The following RAB11FIP5 variants were observed in gnomAD, a reference collection of about 807,000 sequenced individuals.
The protein encoded by RAB11FIP5 is rab11 family-interacting protein 5.
In RAB11FIP5, 48 loss-of-function variants were observed where a neutral mutation model predicts 85.1. The observed-to-expected ratio is 0.56, with a 90% CI of 0.45 to 0.72. The LOEUF is 0.72. Among genes scored for constraint, RAB11FIP5 ranks in the 30% least tolerant of loss-of-function variants. The probability of loss-of-function intolerance (pLI) is 0.00; values close to 1 mark genes in which losing one functional copy is unlikely to be tolerated. For missense variants in RAB11FIP5, 1,491 were observed against 1,687.0 expected (o/e 0.88, Z 2.04); for synonymous variants, 729 against 727.3 (o/e 1.00, Z -0.04).
chr2:73,083,326 G>A (rs990218192), intron 3 of RAB11FIP5, among the ~76,000 whole-genome samples: 37 of 152,200 alleles, frequency 2.4e-4, no homozygotes, highest in African/African-American at 8.7e-4. Context: ...CCACAGGAAG[G>A]AGTCCAACTA....
chr2:73,083,925 A>G (rs1227165266), intron 3 of RAB11FIP5, among the ~76,000 whole-genome samples: 1 of 152,216 alleles, frequency 6.6e-6, no homozygotes, highest in Non-Finnish European at 1.5e-5. Context: ...GAGTCCCATC[A>G]ACATTAAAAG....
intron 1 of RAB11FIP5, among the ~76,000 whole-genome samples, chr2:73,108,938 G>A (rs1191279143): frequency 2.0e-5 from 3 of 152,186 alleles, no homozygotes; most frequent in Non-Finnish European, 2.9e-5. Context: ...CAGCTACTCA[G>A]GGGACTGAGG....
chr2:73,111,841 C>T (rs1443308890), intron 1 of RAB11FIP5, among the ~76,000 whole-genome samples: 1 of 152,172 alleles, frequency 6.6e-6, no homozygotes, highest in African/African-American at 2.4e-5. Context: ...CCCCCTGCAG[C>T]CAGCTTCTAC....
At position 73,086,975 on chromosome 2, in the gene RAB11FIP5, C is replaced by T. The variant is rs554615389; in HGVS notation, c.1568+1075G>A. On this transcript the variant is annotated intron_variant, in intron 3 of 5. Coordinates refer to ENST00000486777, the MANE Select transcript of RAB11FIP5 (RefSeq NM_001371272.1). This position sits in a 1 kb window ranked among gnomAD's most constrained non-coding sequence, Gnocchi z 4.4. ...CACTCCTCTCAACAGACTCAGAGTG[C>T]CACAGGGAAACAAAAAGCCAGGACT... Among the ~76,000 whole-genome samples, 32 of 152,318 alleles carry T rather than the reference C, an allele frequency of 2.1e-4. No homozygotes were observed. The highest frequency in any genetic ancestry group is 7.5e-4 in the African/African-American group (31 of 41,558).
chr2:73,098,084 T>C (rs1684357244), intron 1 of RAB11FIP5, among the ~76,000 whole-genome samples: 1 of 152,212 alleles, frequency 6.6e-6, no homozygotes, highest in South Asian at 2.1e-4. Context: ...GAGCATGGAC[T>C]TCGGTGCCAG....
rs147128353 is a variant in RAB11FIP5 at position 73,088,542 on chromosome 2, G to C, written c.1076C>G (p.Ser359Trp). The C allele has an allele frequency of 6.2e-6, 10 of 1,613,942 alleles. No individual in the cohort carries two copies. Among genetic ancestry groups the C allele is most frequent in the Non-Finnish European group, 8.5e-6 (10 of 1,180,052 alleles). The change falls in exon 3 of 6, where the codon TCG (serine) becomes TGG (tryptophan). Residue 359 changes from serine to tryptophan, a missense_variant. Coordinates refer to ENST00000486777, the MANE Select transcript of RAB11FIP5 (RefSeq NM_001371272.1). ...QGPVRHRSSI[S>W]GSLPSSGSLQ... The stretch of plus-strand genomic sequence containing the variant: ...GGAGCCAGAGGATGGAAGCGAGCCC[G>C]AGATGGAGCTGCGGTGCCGCACAGG...
At chr2:73,112,105 G>A (rs969434367) in intron 1 of RAB11FIP5, among the ~76,000 whole-genome samples, 1 of 152,092 alleles carries the variant, frequency 6.6e-6, no homozygotes, top group Non-Finnish European at 1.5e-5. Context: ...CCTAACGTTC[G>A]CCACCACTTA....
In RAB11FIP5 at chr2:73,081,451, C is replaced by T; in HGVS notation, c.1781G>A (p.Gly594Asp). Residue 594 changes from glycine (G) to aspartate (D), a missense_variant, in exon 4 of 6, where the codon GGT becomes GAT. Transcript: ENST00000486777. This position sits in a 1 kb window ranked among gnomAD's most constrained non-coding sequence, Gnocchi z 4.2. Reference protein sequence around the residue: ...APEATPPGLLGLTNPFLTSLQ... With the variant: ...APEATPPGLLDLTNPFLTSLQ... ...AGAGGTGAGGAACGGGTTGGTAAGA[C>T]CCAATAATCCAGGTGGGGTGGCTTC... The T allele has an allele frequency of 8.1e-7, 1 of 1,233,360 alleles. No individual in the cohort carries two copies. The highest frequency in any genetic ancestry group is 1.0e-6 in the Non-Finnish European group (1 of 988,670). The allele number at this position is 1,233,360 out of a possible 1,614,324, so 76.4% of individuals were successfully genotyped here.
intron 4 of RAB11FIP5, among the ~76,000 whole-genome samples, chr2:73,077,841 A>G (rs1683893577): frequency 6.6e-6 from 1 of 152,228 alleles, no homozygotes; most frequent in East Asian, 1.9e-4. Flanking sequence ...TATCCTGCCC[A>G]GGGGGACCTC....
Position 73,080,913 on chromosome 2 carries a change from CG to C in RAB11FIP5, c.2318del (p.Pro773ArgfsTer22). ...CCGGACTCTGCCCTGCTTCCACTTCCGGGGCTGGCAGTTCCCTGTCTGGTTC... is the reference window on the plus strand; with the variant it reads ...CCGGACTCTGCCCTGCTTCCACTTCCGGGCTGGCAGTTCCCTGTCTGGTTC... ...GSEPDRELPA[P>X]EVEAGQSPAD... On this transcript the variant is annotated frameshift_variant, in exon 4 of 6. Coordinates refer to ENST00000486777, the MANE Select transcript of RAB11FIP5 (RefSeq NM_001371272.1). LOFTEE classifies it high-confidence loss of function. The C allele has an allele frequency of 8.1e-7, 1 of 1,232,594 alleles. No individual in the cohort carries two copies. Among genetic ancestry groups the C allele is most frequent in the Non-Finnish European group, 1.0e-6 (1 of 988,350 alleles). 76.4% of individuals were successfully genotyped at this position (1,232,594 alleles called of 1,614,324 possible). A position where few individuals can be genotyped will look rare whatever the true frequency, so the allele number is the denominator to read the frequency against.
chr2:73,112,363 G>A lies in RAB11FIP5; in HGVS notation c.415C>T (p.Arg139Cys), dbSNP rs756872929. 3.8e-6 allele frequency: 6 copies of A among 1,589,610 alleles called. No homozygotes were observed. In the South Asian group the frequency reaches 6.7e-5, roughly 18 times the overall value. Residue 139 changes from arginine (R) to cysteine (C), a missense_variant, in exon 1 of 6, where the codon CGC (arginine) becomes TGC (cysteine). By Grantham distance (180) the Arg-to-Cys change is radical. Transcript: ENST00000486777. ...VALDEVFGAG[R>C]AQHTQWYKLH... ...CCTACTCACTGCGTGTGCTGGGCGC[G>A]GCCTGCGCCGAAGACCTCGTCCAGC...
rs1683962862 is a variant in RAB11FIP5, at chr2:73,080,891, G to C, written c.2341C>G (p.Pro781Ala). Reference protein sequence around the residue: ...PAPEVEAGQSPADSGTSLFSS... With the variant: ...PAPEVEAGQSAADSGTSLFSS... ...AATAGAGATGTCCCACTGTCTGCCGGACTCTGCCCTGCTTCCACTTCCGGG... is the reference window on the plus strand; with the variant it reads ...AATAGAGATGTCCCACTGTCTGCCGCACTCTGCCCTGCTTCCACTTCCGGG... The change falls in exon 4 of 6, where the codon CCG becomes GCG. Residue 781 changes from proline (P) to alanine (A), a missense_variant. Transcript: ENST00000486777. 1.1e-5 allele frequency: 13 copies of C among 1,232,528 alleles called. No homozygotes were observed. The highest frequency in any genetic ancestry group is 1.3e-5 in the Non-Finnish European group (13 of 988,276). 76.3% of individuals were successfully genotyped at this position (1,232,528 alleles called of 1,614,324 possible).
At chr2:73,103,061 A>T (rs115739619) in intron 1 of RAB11FIP5, among the ~76,000 whole-genome samples, 3 of 152,268 alleles carry the variant, frequency 2.0e-5, no homozygotes, top group Non-Finnish European at 2.9e-5. Flanking sequence ...ACACACTGGC[A>T]CACAGGAGCT....
At chr2:73,087,952 A>T in intron 3 of RAB11FIP5, 98 bp downstream of exon 3, 1 of 1,198,350 alleles carries the variant, frequency 8.3e-7, no homozygotes, top group Non-Finnish European at 1.2e-6. Flanking sequence ...AGCCTGCCTG[A>T]GGTCCATATC....
At chr2:73,083,504 C>T (rs1051268526) in intron 3 of RAB11FIP5, among the ~76,000 whole-genome samples, 13 of 152,192 alleles carry the variant, frequency 8.5e-5, no homozygotes. Flanking sequence ...AGTCTCATCC[C>T]CTCCACCTAA....
intron 1 of RAB11FIP5, among the ~76,000 whole-genome samples, chr2:73,096,697 T>C (rs1684325834): frequency 6.6e-6 from 1 of 152,194 alleles, no homozygotes; most frequent in Admixed American, 6.5e-5. Flanking sequence ...ACCTCCCTGA[T>C]GGACATTAGA....
chr2:73,099,206 T>C (rs991719945), intron 1 of RAB11FIP5, among the ~76,000 whole-genome samples: 5 of 152,122 alleles, frequency 3.3e-5, no homozygotes, highest in Admixed American at 2.6e-4. Context: ...CCTGCCGCCA[T>C]GCCCAGCAAT....
intron 1 of RAB11FIP5, among the ~76,000 whole-genome samples, chr2:73,111,965 T>C (rs1684665170): frequency 6.6e-6 from 1 of 152,084 alleles, no homozygotes; most frequent in African/African-American, 2.4e-5. Flanking sequence ...GCGCCCGCAG[T>C]TCCCCTCCCC....
intron 3 of RAB11FIP5, among the ~76,000 whole-genome samples, chr2:73,087,302 G>A (rs1256784167): frequency 6.6e-6 from 1 of 152,216 alleles, no homozygotes; most frequent in East Asian, 1.9e-4. Context: ...GAATTAGGAG[G>A]AAGCAAATGG....
Sources: gnomAD v4.1 joint callset for allele counts (sites outside exome capture counted in the v4.1 genomes callset) on GRCh38, gnomAD v4.1.1 for gene constraint, Gnocchi (gnomAD v3.1) non-coding constraint, MANE v1.5 for transcripts, NCBI Gene and HGNC (gene_info 2026-07-23, HGNC 2026-07-21) for gene names.